The following MEIS2 variants were observed in gnomAD, a reference collection of about 807,000 sequenced individuals.
The protein encoded by MEIS2 is Meis homeobox 2, also known as homeobox protein Meis2.
Under a neutral mutation model 58.6 loss-of-function variants are expected in MEIS2, and 9 were observed. That is an observed-to-expected ratio of 0.15 (90% confidence interval 0.09 to 0.27). The LOEUF (loss-of-function observed/expected upper bound fraction) is 0.27, where lower values mean the gene tolerates loss of function less well. Ranked by LOEUF, MEIS2 falls within the 10% of genes least tolerant of loss-of-function variation. The pLI, the probability that MEIS2 is intolerant of heterozygous loss-of-function variation, is 1.00. For synonymous variants in MEIS2, 221 were observed against 228.4 expected (o/e 0.97, Z 0.29); for missense variants, 427 against 635.0 (o/e 0.67, Z 3.52).
intron 8 of MEIS2, among the ~76,000 whole-genome samples, chr15:36,980,051 A>G (rs757480793): frequency 3.4e-4 from 51 of 151,864 alleles, no homozygotes; most frequent in Non-Finnish European, 5.7e-4. Context: ...AAGTTTTACA[A>G]AAAGATGTGC....
intron 9 of MEIS2, among the ~76,000 whole-genome samples, chr15:36,901,502 G>T (rs1043459418): frequency 1.1e-4 from 16 of 152,100 alleles, no homozygotes; most frequent in Non-Finnish European, 2.1e-4. Context: ...CCAGACAATG[G>T]CTCCTTTCTC....
Position 36,956,215 on chromosome 15 carries a change from C to T in MEIS2, c.901-5815G>A, listed in dbSNP as rs931352633. 3.1e-4 allele frequency among the ~76,000 whole-genome samples: 46 copies of T among 146,552 alleles called. 1 individual carries two copies. Among genetic ancestry groups the T allele is most frequent in the African/African-American group, 1.1e-3 (45 of 39,976 alleles). On this transcript the variant is annotated intron_variant, in intron 8 of 11. Coordinates refer to ENST00000561208, the MANE Select transcript of MEIS2 (RefSeq NM_170675.5). Reference sequence around the variant, plus strand: ...AAAAAAAAAAAAAAAAAAAAAGAGTCCAAAGATTTTTGGACAGAACTTGAT... The same window carrying T: ...AAAAAAAAAAAAAAAAAAAAAGAGTTCAAAGATTTTTGGACAGAACTTGAT...
At chr15:36,897,694 T>G (rs762307062) in intron 9 of MEIS2, 1 of 152,192 alleles carries the variant, frequency 6.6e-6, no homozygotes, top group Non-Finnish European at 1.5e-5. Context: ...TTTGAGCTCA[T>G]GCACACGATT....
intron 8 of MEIS2, among the ~76,000 whole-genome samples, chr15:37,033,772 G>A (rs1306413833): frequency 1.3e-5 from 2 of 152,148 alleles, no homozygotes; most frequent in African/African-American, 4.8e-5. Context: ...AAATTAACAT[G>A]TCGCTAGTTA....
intron 8 of MEIS2, among the ~76,000 whole-genome samples, chr15:36,951,851 C>A (rs913860432): frequency 1.3e-5 from 2 of 152,134 alleles, no homozygotes; most frequent in African/African-American, 4.8e-5. Context: ...CTCCTTTCCC[C>A]CTCCTGCTTC....
intron 1 of MEIS2, chr15:37,098,681 G>A (rs923048709): frequency 1.5e-5 from 3 of 197,302 alleles, no homozygotes; most frequent in Non-Finnish European, 2.8e-5. Flanking sequence ...AACGGAGGGA[G>A]AAGTGGAGTT....
At chr15:37,036,789 T>G in intron 8 of MEIS2, 25 bp downstream of exon 8, 1 of 1,602,714 alleles carries the variant, frequency 6.2e-7, no homozygotes, top group Non-Finnish European at 8.5e-7. Context: ...AAACTATTTT[T>G]TTTTTCTCTT....
At chr15:36,916,379 A>G (rs1192835804) in intron 9 of MEIS2, among the ~76,000 whole-genome samples, 1 of 148,028 alleles carries the variant, frequency 6.8e-6, no homozygotes, top group Non-Finnish European at 1.5e-5. Flanking sequence ...GTGAGCTGAG[A>G]CCGCACCGCT....
At chr15:36,970,988 G>A (rs750600576) in intron 8 of MEIS2, among the ~76,000 whole-genome samples, 3 of 151,500 alleles carry the variant, frequency 2.0e-5, no homozygotes, top group African/African-American at 4.9e-5. Context: ...TAATAGATAA[G>A]AAACTTTTAG....
intron 11 of MEIS2, 49 bp downstream of exon 11, chr15:36,895,102 G>A: frequency 1.4e-6 from 2 of 1,454,130 alleles, no homozygotes; most frequent in South Asian, 1.2e-5. Context: ...GGCTGGTGGA[G>A]CAGGTGGCAC....
chr15:37,096,131 C>T (rs1408385002), intron 3 of MEIS2, 158 bp downstream of exon 3: 3 of 735,412 alleles, frequency 4.1e-6, no homozygotes, highest in East Asian at 2.9e-5. Flanking sequence ...TTCCAATTCG[C>T]CCCCAGGCTC....
At chr15:37,028,649 A>G (rs189628573) in intron 8 of MEIS2, among the ~76,000 whole-genome samples, 1 of 152,354 alleles carries the variant, frequency 6.6e-6, no homozygotes, top group African/African-American at 2.4e-5. Flanking sequence ...AAACTTTGAT[A>G]AAGGCAGAAG....
intron 9 of MEIS2, among the ~76,000 whole-genome samples, chr15:36,916,084 A>G (rs1261519335): frequency 6.6e-6 from 1 of 152,172 alleles, no homozygotes; most frequent in African/African-American, 2.4e-5. Context: ...TAATTTTATT[A>G]CATTAAAGAA....
At chr15:37,074,830 A>G (rs1021624296) in intron 7 of MEIS2, among the ~76,000 whole-genome samples, 22 of 152,012 alleles carry the variant, frequency 1.4e-4, no homozygotes, top group Admixed American at 1.3e-4. Flanking sequence ...TTTCAATGCA[A>G]TCATGACTTT....
chr15:36,992,701 A>G (rs890751883), intron 8 of MEIS2, among the ~76,000 whole-genome samples: 1 of 151,890 alleles, frequency 6.6e-6, no homozygotes, highest in Admixed American at 6.6e-5. Flanking sequence ...TCTACCAGAG[A>G]GTGTAGTAGT....
intron 9 of MEIS2, among the ~76,000 whole-genome samples, chr15:36,917,242 G>A (rs149405828): frequency 1.3e-5 from 2 of 152,292 alleles, no homozygotes; most frequent in African/African-American, 4.8e-5. Flanking sequence ...TGGAGCCTTG[G>A]AAATTACTTC....
chr15:36,924,592 A>G lies in MEIS2; in HGVS notation c.977+25732T>C, dbSNP rs113992980. Reference sequence around the variant, plus strand: ...GGACTGGCCTGTCGTCCCAAAGGTTATGAGAGTTAACTACATAGACTTGCC... The same window carrying G: ...GGACTGGCCTGTCGTCCCAAAGGTTGTGAGAGTTAACTACATAGACTTGCC... On this transcript the variant is annotated intron_variant, in intron 9 of 11. Coordinates refer to ENST00000561208, the MANE Select transcript of MEIS2 (RefSeq NM_170675.5). Among the ~76,000 whole-genome samples the G allele has an allele frequency of 6.4e-4, 98 of 152,332 alleles. 1 individual carries two copies. The highest frequency in any genetic ancestry group is 2.1e-3 in the African/African-American group (89 of 41,572).
chr15:36,980,784 T>A (rs1246416710), intron 8 of MEIS2, among the ~76,000 whole-genome samples: 2 of 152,202 alleles, frequency 1.3e-5, no homozygotes, highest in Non-Finnish European at 2.9e-5. Flanking sequence ...TGAAATGTCA[T>A]CTTTATTTTC....
chr15:37,099,550 C>T lies in MEIS2; in HGVS notation c.-84G>A. 6.5e-7 allele frequency: 1 copy of T among 1,547,454 alleles called. No individual in the cohort carries two copies. On this transcript the variant is annotated 5_prime_UTR_variant, in exon 1 of 12. Coordinates refer to ENST00000561208, the MANE Select transcript of MEIS2 (RefSeq NM_170675.5). Reference sequence around the variant, plus strand: ...AAGAAAGTGATCTAGGCTGAAGATTCCTTTTTTTTTTTTCCAAACCAAAGA... The same window carrying T: ...AAGAAAGTGATCTAGGCTGAAGATTTCTTTTTTTTTTTTCCAAACCAAAGA...
Sources: gnomAD v4.1 joint callset for allele counts (sites outside exome capture counted in the v4.1 genomes callset) on GRCh38, gnomAD v4.1.1 for gene constraint, MANE v1.5 for transcripts, NCBI Gene and HGNC (gene_info 2026-07-23, HGNC 2026-07-21) for gene names.